Variants in EVI5 observed in about 807,000 individuals in gnomAD.
EVI5 encodes ecotropic viral integration site 5.
Under a neutral mutation model 112.0 loss-of-function variants are expected in EVI5, and 73 were observed. That is an observed-to-expected ratio of 0.65 (90% CI 0.54 to 0.79). EVI5 has a LOEUF of 0.79. EVI5 is among the 30% of genes least tolerant of loss of function. The pLI is 0.00. For missense variants in EVI5, 900 were observed against 968.8 expected (o/e 0.93, Z 0.94); for synonymous variants, 305 against 319.9 (o/e 0.95, Z 0.50).
At chr1:92,655,786 A>AAT (rs911776853) in intron 13 of EVI5, among the ~76,000 whole-genome samples, 8 of 152,210 alleles carry the variant, frequency 5.3e-5, no homozygotes, top group Admixed American at 4.6e-4. Flanking sequence ...AACAATCCTA[A>AAT]ATATATATGT....
chr1:92,661,939 AAT>A (rs1368764935), intron 13 of EVI5, among the ~76,000 whole-genome samples: 32 of 152,190 alleles, frequency 2.1e-4, no homozygotes, highest in Admixed American at 1.3e-4. Flanking sequence ...AACAAGAAAT[AAT>A]ATGTTTTCAA....
intron 1 of EVI5, among the ~76,000 whole-genome samples, chr1:92,791,620 G>T (rs552021021): frequency 6.6e-6 from 1 of 152,004 alleles, no homozygotes. Context: ...TCTTCATCAA[G>T]CAAATAAAAA....
chr1:92,599,581 C>T (rs1272910328), intron 18 of EVI5, among the ~76,000 whole-genome samples: 1 of 152,016 alleles, frequency 6.6e-6, no homozygotes, highest in Non-Finnish European at 1.5e-5. Context: ...AACCTTAAGA[C>T]ATCTACTGAA....
At chr1:92,719,060 A>G (rs999946043) in intron 2 of EVI5, among the ~76,000 whole-genome samples, 1 of 152,190 alleles carries the variant, frequency 6.6e-6, no homozygotes, top group Non-Finnish European at 1.5e-5. Flanking sequence ...TTAATACCCT[A>G]CCAACGAAAA....
chr1:92,727,142 T>C (rs60842823), intron 2 of EVI5, among the ~76,000 whole-genome samples: 3,934 of 152,216 alleles, frequency 0.026, 130 homozygotes, highest in African/African-American at 0.074. Context: ...CATAATGAAA[T>C]GTCCAGAATA....
At chr1:92,725,700 G>A (rs965735143) in intron 2 of EVI5, among the ~76,000 whole-genome samples, 2 of 142,398 alleles carry the variant, frequency 1.4e-5, no homozygotes, top group African/African-American at 5.3e-5. Context: ...TCAAGCCTGG[G>A]TGACAGAGTG....
In EVI5 at chr1:92,508,907, T is replaced by C. The variant is rs200124746; in HGVS notation, c.*4749A>G. 1.3e-5 allele frequency: 2 copies of C among 152,240 alleles called. No individual in the cohort carries two copies. The highest frequency in any genetic ancestry group is 4.8e-5 in the African/African-American group (2 of 41,454). 9.4% of individuals were successfully genotyped at this position (152,240 alleles called of 1,614,324 possible). ...AGATCAATGGATGTGATGTAAAAAC[T>C]TGGATCATAAATAGCATCCACTATA... On this transcript the variant is annotated 3_prime_UTR_variant, in exon 20 of 20. Coordinates refer to ENST00000684568, the MANE Select transcript of EVI5 (RefSeq NM_001350197.2).
intron 14 of EVI5, among the ~76,000 whole-genome samples, chr1:92,628,891 T>C (rs964217061): frequency 2.0e-5 from 3 of 152,254 alleles, no homozygotes; most frequent in African/African-American, 7.2e-5. Context: ...ATTTACTGCA[T>C]ATTCATTTAA....
intron 18 of EVI5, among the ~76,000 whole-genome samples, chr1:92,592,165 C>T (rs1227687094): frequency 6.6e-6 from 1 of 152,158 alleles, no homozygotes; most frequent in African/African-American, 2.4e-5. Flanking sequence ...ACGGCGTGAA[C>T]CCAGGAGGCA....
intron 1 of EVI5, among the ~76,000 whole-genome samples, chr1:92,779,784 GCTAA>G (rs935855900): frequency 1.2e-4 from 18 of 152,252 alleles, no homozygotes; most frequent in Middle Eastern, 3.4e-3. Flanking sequence ...AGCTGATTTG[GCTAA>G]CTCACAGAAT....
chr1:92,579,137 G>C (rs575533953), intron 18 of EVI5, among the ~76,000 whole-genome samples: 1 of 152,310 alleles, frequency 6.6e-6, no homozygotes, highest in East Asian at 1.9e-4. Context: ...CCTCTGTAAA[G>C]AGTGATATCA....
intron 10 of EVI5, among the ~76,000 whole-genome samples, chr1:92,666,971 A>C (rs988979247): frequency 3.3e-5 from 5 of 152,194 alleles, no homozygotes; most frequent in Admixed American, 3.3e-4. Flanking sequence ...GATCTAAAAA[A>C]TGCACGTTCA....
At chr1:92,523,786 T>C (rs1260348274) in intron 19 of EVI5, among the ~76,000 whole-genome samples, 1 of 152,122 alleles carries the variant, frequency 6.6e-6, no homozygotes, top group Non-Finnish European at 1.5e-5. Flanking sequence ...ATTTGGTATG[T>C]ATAATTACTG....
At chr1:92,741,406 C>T (rs890004131) in intron 1 of EVI5, among the ~76,000 whole-genome samples, 2 of 152,120 alleles carry the variant, frequency 1.3e-5, no homozygotes, top group African/African-American at 4.8e-5. Context: ...ATAAGAGCTG[C>T]AAAATATTCC....
chr1:92,791,391 T>C (rs1686079024), intron 1 of EVI5, among the ~76,000 whole-genome samples: 1 of 152,204 alleles, frequency 6.6e-6, no homozygotes, highest in Admixed American at 6.5e-5. Flanking sequence ...CTGGAGATAA[T>C]AATATCTACT....
At chr1:92,591,589 C>G (rs112597199) in intron 18 of EVI5, among the ~76,000 whole-genome samples, 1 of 152,048 alleles carries the variant, frequency 6.6e-6, no homozygotes, top group African/African-American at 2.4e-5. Flanking sequence ...GCACCCAATA[C>G]AGGCGCACCC....
intron 13 of EVI5, among the ~76,000 whole-genome samples, chr1:92,655,457 G>A (rs541964435): frequency 2.0e-5 from 3 of 152,084 alleles, no homozygotes; most frequent in Non-Finnish European, 4.4e-5. Context: ...CATTAGACCA[G>A]CCTTACAAGA....
chr1:92,706,914 G>A (rs1672061712), intron 2 of EVI5, among the ~76,000 whole-genome samples: 1 of 152,180 alleles, frequency 6.6e-6, no homozygotes, highest in African/African-American at 2.4e-5. Context: ...GGGCGTGGTG[G>A]CTCATGCCTG....
intron 13 of EVI5, among the ~76,000 whole-genome samples, chr1:92,660,775 T>C (rs981867636): frequency 2.0e-5 from 3 of 151,936 alleles, no homozygotes; most frequent in Admixed American, 6.6e-5. Flanking sequence ...GGTAAAACTA[T>C]AGTGAAAGAA....
Sources: allele counts gnomAD v4.1 joint callset (sites outside exome capture counted in the v4.1 genomes callset), GRCh38; gene constraint gnomAD v4.1.1; transcripts MANE v1.5; gene names NCBI Gene and HGNC (gene_info 2026-07-23, HGNC 2026-07-21).